RORA: variants seen among roughly 807,000 people sequenced by gnomAD.
The protein encoded by RORA is nuclear receptor ROR-alpha.
In RORA, 7 loss-of-function variants were observed where a neutral mutation model predicts 69.5. That is an observed-to-expected ratio of 0.10 (90% CI 0.06 to 0.19). The LOEUF is 0.19. RORA is among the 10% of genes least tolerant of loss of function. The pLI is 1.00. For synonymous variants in RORA, 261 were observed against 240.8 expected (o/e 1.08, Z -0.78); for missense variants, 457 against 663.0 (o/e 0.69, Z 3.41).
intron 1 of RORA, among the ~76,000 whole-genome samples, chr15:60,903,713 G>A (rs964512572): frequency 1.3e-5 from 2 of 152,158 alleles, no homozygotes; most frequent in Non-Finnish European, 2.9e-5. Context: ...AAACACAACA[G>A]TTATTAAAGG....
At chr15:60,727,089 ATT>A (rs2071368383) in intron 1 of RORA, among the ~76,000 whole-genome samples, 1 of 152,222 alleles carries the variant, frequency 6.6e-6, no homozygotes, top group Non-Finnish European at 1.5e-5. Flanking sequence ...AAGCCCAGGG[ATT>A]ACACTGCTGT....
chr15:61,124,016 C>T (rs75885569), intron 1 of RORA, among the ~76,000 whole-genome samples: 5,414 of 152,252 alleles, frequency 0.036, 147 homozygotes, highest in East Asian at 0.11. Context: ...GACTTCAAAA[C>T]ATACATGCGA....
intron 2 of RORA, among the ~76,000 whole-genome samples, chr15:60,628,547 A>G (rs1334097701): frequency 6.6e-6 from 1 of 152,078 alleles, no homozygotes; most frequent in African/African-American, 2.4e-5. Flanking sequence ...ACATTTTTTT[A>G]AATACAGACA....
intron 3 of RORA, chr15:60,528,910 G>C (rs1333820325): frequency 6.6e-6 from 1 of 152,204 alleles, no homozygotes; most frequent in African/African-American, 2.4e-5. Flanking sequence ...GGGCAGTCTG[G>C]TTCCAGAGTC....
chr15:60,829,788 G>A lies in RORA; in HGVS notation c.167-151102C>T, dbSNP rs374952283. On this transcript the variant is annotated intron_variant, in intron 1 of 10. Transcript: ENST00000335670. ...GATGATCTCTGGCTTCCGTTCATTG[G>A]TAAATTCACACATTTATTAATGTCT... is the stretch of plus-strand genomic sequence containing the variant. 2.7e-4 allele frequency among the ~76,000 whole-genome samples: 41 copies of A among 152,278 alleles called. 1 individual carries two copies. In the South Asian group the frequency reaches 8.5e-3, roughly 32 times the overall value.
At chr15:60,908,031 G>A (rs1158900211) in intron 1 of RORA, among the ~76,000 whole-genome samples, 1 of 152,168 alleles carries the variant, frequency 6.6e-6, no homozygotes, top group East Asian at 1.9e-4. Flanking sequence ...CCAATGCTCG[G>A]AACGTCCCGC....
chr15:60,740,202 A>T (rs995090732), intron 1 of RORA, among the ~76,000 whole-genome samples: 2 of 152,102 alleles, frequency 1.3e-5, no homozygotes, highest in Admixed American at 1.3e-4. Context: ...CAATGGTTTA[A>T]TTATCAAAGG....
chr15:60,884,761 G>C (rs1402853163), intron 1 of RORA, among the ~76,000 whole-genome samples: 2 of 152,196 alleles, frequency 1.3e-5, no homozygotes, highest in Non-Finnish European at 1.5e-5. Context: ...TTTTGAGACA[G>C]TATGTCTTTA....
At chr15:60,845,169 T>G (rs1017929590) in intron 1 of RORA, among the ~76,000 whole-genome samples, 1 of 152,192 alleles carries the variant, frequency 6.6e-6, no homozygotes, top group Non-Finnish European at 1.5e-5. Flanking sequence ...AACCTTGAAG[T>G]GCCTTTCCGG....
intron 1 of RORA, among the ~76,000 whole-genome samples, chr15:60,991,355 A>C (rs1183611195): frequency 2.6e-5 from 4 of 152,208 alleles, no homozygotes. Context: ...AGACTGGGTA[A>C]GGGGAGACTC....
At chr15:61,185,780 T>TC (rs1380546402) in intron 1 of RORA, among the ~76,000 whole-genome samples, 2 of 152,124 alleles carry the variant, frequency 1.3e-5, no homozygotes, top group Non-Finnish European at 2.9e-5. Context: ...TCTCATCTCT[T>TC]CCCCATGGCT....
intron 1 of RORA, among the ~76,000 whole-genome samples, chr15:60,972,285 C>T (rs1174328918): frequency 1.3e-5 from 2 of 152,142 alleles, no homozygotes; most frequent in Non-Finnish European, 2.9e-5. Flanking sequence ...AATAATAATA[C>T]CACTGGAAGG....
At chr15:60,821,993 G>A (rs1363686539) in intron 1 of RORA, among the ~76,000 whole-genome samples, 1 of 149,180 alleles carries the variant, frequency 6.7e-6, no homozygotes, top group African/African-American at 2.4e-5. Flanking sequence ...AAAGCAATGA[G>A]TAGCAGTATT....
intron 1 of RORA, among the ~76,000 whole-genome samples, chr15:60,768,039 T>C (rs2072016676): frequency 2.0e-5 from 3 of 152,202 alleles, no homozygotes; most frequent in African/African-American, 7.2e-5. Context: ...CCTGGCTGAA[T>C]CACACACTTA....
chr15:60,968,904 T>C (rs533291412), intron 1 of RORA, among the ~76,000 whole-genome samples: 23 of 152,368 alleles, frequency 1.5e-4, no homozygotes, highest in Middle Eastern at 3.4e-3. Context: ...TGCCTTTAGT[T>C]GTCATGTCTC....
At chr15:61,058,829 TC>T in intron 1 of RORA, among the ~76,000 whole-genome samples, 1 of 152,328 alleles carries the variant, frequency 6.6e-6, no homozygotes, top group East Asian at 1.9e-4. Context: ...TATCGGCCTT[TC>T]TATGTTTAAG....
At chr15:60,589,328 C>A (rs1459567862) in intron 2 of RORA, among the ~76,000 whole-genome samples, 2 of 152,190 alleles carry the variant, frequency 1.3e-5, no homozygotes, top group Admixed American at 6.5e-5. Flanking sequence ...ATGAATCAGG[C>A]CGGACGAAGA....
intron 1 of RORA, among the ~76,000 whole-genome samples, chr15:60,962,157 A>G (rs1256605466): frequency 6.6e-6 from 1 of 152,200 alleles, no homozygotes; most frequent in East Asian, 1.9e-4. Context: ...AATGCCTTCA[A>G]TTATCACAGT....
At chr15:61,199,977 C>G (rs1054495593) in intron 1 of RORA, among the ~76,000 whole-genome samples, 11 of 152,268 alleles carry the variant, frequency 7.2e-5, no homozygotes, top group Admixed American at 2.0e-4. Flanking sequence ...TCTCAAGGAC[C>G]CTTCTCCAAG....
Sources: gnomAD v4.1 joint callset for allele counts (sites outside exome capture counted in the v4.1 genomes callset) on GRCh38, gnomAD v4.1.1 for gene constraint, MANE v1.5 for transcripts, NCBI Gene and HGNC (gene_info 2026-07-23, HGNC 2026-07-21) for gene names.